The following PAN3 variants were observed in gnomAD, a reference collection of about 807,000 sequenced individuals.
The protein encoded by PAN3 is poly(A) specific ribonuclease subunit PAN3, also known as PAN2-PAN3 deadenylation complex subunit PAN3.
In PAN3, 19 loss-of-function variants were observed where a neutral mutation model predicts 96.2. That is an observed-to-expected ratio of 0.20 (90% CI 0.14 to 0.29). The LOEUF (loss-of-function observed/expected upper bound fraction) is 0.29. PAN3 is among the 10% of genes least tolerant of loss of function. The probability of loss-of-function intolerance (pLI) is 1.00; values close to 1 mark genes in which losing one functional copy is unlikely to be tolerated. For missense variants in PAN3, 882 were observed against 1,108.1 expected, an observed-to-expected ratio of 0.80 and a Z score of 2.90; for synonymous variants, 433 against 406.6, an observed-to-expected ratio of 1.06 and a Z score of -0.78.
chr13:28,261,506 C>A, intron 9 of PAN3, 48 bp downstream of exon 9: 1 of 1,518,392 alleles, frequency 6.6e-7, no homozygotes, highest in Non-Finnish European at 9.1e-7. Context: ...TGTTATAATT[C>A]TTACGTGGTA....
chr13:28,160,338 A>AGG (rs1872743097), intron 1 of PAN3, among the ~76,000 whole-genome samples: 1 of 152,232 alleles, frequency 6.6e-6, no homozygotes, highest in Non-Finnish European at 1.5e-5. Context: ...TGATAGTTAA[A>AGG]GGGAGTAACG....
intron 1 of PAN3, among the ~76,000 whole-genome samples, chr13:28,141,762 G>A (rs1486589507): frequency 1.3e-5 from 2 of 152,044 alleles, no homozygotes; most frequent in Non-Finnish European, 2.9e-5. Flanking sequence ...ACCTGGCCGA[G>A]GATTTTCTAA....
chr13:28,210,964 G>A (rs2138321369), intron 5 of PAN3, among the ~76,000 whole-genome samples: 1 of 152,208 alleles, frequency 6.6e-6, no homozygotes, highest in African/African-American at 2.4e-5. Flanking sequence ...GAGGGTACTG[G>A]TGTAGAGATG....
chr13:28,275,208 C>G (rs185862236), intron 14 of PAN3, among the ~76,000 whole-genome samples: 50 of 152,232 alleles, frequency 3.3e-4, no homozygotes, highest in African/African-American at 1.1e-3. Context: ...AAAAACAACT[C>G]TAATTTAATC....
intron 5 of PAN3, among the ~76,000 whole-genome samples, chr13:28,197,852 G>A (rs1176240039): frequency 6.6e-6 from 1 of 152,220 alleles, no homozygotes; most frequent in African/African-American, 2.4e-5. Context: ...GCAGGCATGA[G>A]CCACCTCTCC....
intron 7 of PAN3, 43 bp downstream of exon 7, chr13:28,256,582 C>T (rs749147271): frequency 1.9e-6 from 3 of 1,563,802 alleles, no homozygotes; most frequent in South Asian, 1.2e-5. Flanking sequence ...TCTCTTGTAA[C>T]AGGACCTTCT....
At chr13:28,245,533 A>G (rs1289052073) in intron 6 of PAN3, among the ~76,000 whole-genome samples, 1 of 152,136 alleles carries the variant, frequency 6.6e-6, no homozygotes, top group African/African-American at 2.4e-5. Flanking sequence ...GATATAATTC[A>G]CATACCATAA....
intron 4 of PAN3, among the ~76,000 whole-genome samples, chr13:28,180,572 A>G (rs1875642171): frequency 6.6e-6 from 1 of 152,216 alleles, no homozygotes; most frequent in South Asian, 2.1e-4. Context: ...AAATTATATG[A>G]ATATTGTAAT....
intron 6 of PAN3, among the ~76,000 whole-genome samples, chr13:28,240,292 C>T (rs1294076770): frequency 6.6e-6 from 1 of 151,930 alleles, no homozygotes; most frequent in East Asian, 1.9e-4. Context: ...ATTTAAGCTA[C>T]AGAATAAAAA....
chr13:28,281,985 G>A (rs1887510894), intron 17 of PAN3, among the ~76,000 whole-genome samples: 1 of 151,974 alleles, frequency 6.6e-6, no homozygotes. Context: ...TGGCCAGGGT[G>A]GTCTGGTCTT....
At chr13:28,258,217 A>T (rs1258502867) in intron 7 of PAN3, among the ~76,000 whole-genome samples, 3 of 152,280 alleles carry the variant, frequency 2.0e-5, no homozygotes, top group East Asian at 3.9e-4. Flanking sequence ...GTATCACAAA[A>T]CTGCTTCCTA....
At chr13:28,177,359 A>G (rs1227845145) in intron 3 of PAN3, among the ~76,000 whole-genome samples, 2 of 152,182 alleles carry the variant, frequency 1.3e-5, no homozygotes, top group Non-Finnish European at 2.9e-5. Flanking sequence ...TTTTAGTAAT[A>G]ATATCAAACA....
At chr13:28,162,624 G>A (rs150198080) in intron 1 of PAN3, among the ~76,000 whole-genome samples, 1 of 151,522 alleles carries the variant, frequency 6.6e-6, no homozygotes, top group African/African-American at 2.4e-5. Flanking sequence ...TCCAACCTGG[G>A]CAACAGAGTG....
chr13:28,192,234 T>C (rs1877381533), intron 4 of PAN3, among the ~76,000 whole-genome samples: 1 of 151,984 alleles, frequency 6.6e-6, no homozygotes, highest in Non-Finnish European at 1.5e-5. Context: ...CACACCCAGC[T>C]AATTTTTGTA....
At chr13:28,201,859 A>G (rs556429072) in intron 5 of PAN3, among the ~76,000 whole-genome samples, 2 of 152,258 alleles carry the variant, frequency 1.3e-5, no homozygotes, top group Admixed American at 1.3e-4. Context: ...TGCCTCTGAT[A>G]CCTTTGCATG....
chr13:28,288,498 G>T (rs1157490409), intron 18 of PAN3, among the ~76,000 whole-genome samples: 1 of 152,058 alleles, frequency 6.6e-6, no homozygotes, highest in Non-Finnish European at 1.5e-5. Context: ...CACCATGTTG[G>T]CCAGGCTGGT....
chr13:28,259,792 C>A (rs959727509), intron 7 of PAN3, among the ~76,000 whole-genome samples: 6 of 151,938 alleles, frequency 3.9e-5, no homozygotes, highest in Non-Finnish European at 7.4e-5. Context: ...GCTTGCGCCA[C>A]CATGCCCCAC....
chr13:28,185,607 C>CT (rs144713143), intron 4 of PAN3, among the ~76,000 whole-genome samples: 2,020 of 150,512 alleles, frequency 0.013, 20 homozygotes, highest in African/African-American at 0.036. Flanking sequence ...TTTTGGAAGC[C>CT]TTTTTTTTTA....
At chr13:28,292,030 A>T (rs1490878197) in intron 18 of PAN3, among the ~76,000 whole-genome samples, 1 of 152,108 alleles carries the variant, frequency 6.6e-6, no homozygotes, top group Non-Finnish European at 1.5e-5. Flanking sequence ...CTAAGGAAAA[A>T]GTACTTCCCA....
Sources: gnomAD v4.1 joint callset for allele counts (sites outside exome capture counted in the v4.1 genomes callset) on GRCh38, gnomAD v4.1.1 for gene constraint, MANE v1.5 for transcripts, NCBI Gene and HGNC (gene_info 2026-07-23, HGNC 2026-07-21) for gene names.